Variants in OSBPL9 observed in about 807,000 individuals in gnomAD.
OSBPL9 encodes the protein oxysterol binding protein like 9.
In OSBPL9, 40 loss-of-function variants were observed where a neutral mutation model predicts 106.6. That is an observed-to-expected ratio of 0.38 (90% CI 0.29 to 0.49). OSBPL9 has a LOEUF of 0.49. Ranked by LOEUF, OSBPL9 falls within the 20% of genes least tolerant of loss-of-function variation. OSBPL9 has a pLI of 0.97. For synonymous variants in OSBPL9, 269 were observed against 295.4 expected (o/e 0.91, Z 0.92); for missense variants, 609 against 887.2 (o/e 0.69, Z 3.98).
chr1:51,765,116 A>G (rs1672299760), intron 11 of OSBPL9, among the ~76,000 whole-genome samples: 1 of 152,210 alleles, frequency 6.6e-6, no homozygotes, highest in Admixed American at 6.5e-5. Context: ...AAGGTACCAG[A>G]TGATCATCTC....
chr1:51,737,327 A>T (rs934581825), intron 4 of OSBPL9, among the ~76,000 whole-genome samples: 2 of 152,082 alleles, frequency 1.3e-5, no homozygotes, highest in Admixed American at 6.6e-5. Context: ...AAAATTTTCT[A>T]AAAATGTTCA....
chr1:51,765,553 C>T (rs542802780), intron 11 of OSBPL9: 104 of 216,628 alleles, frequency 4.8e-4, no homozygotes, highest in Admixed American at 2.4e-3. Flanking sequence ...AAAAGGGCCC[C>T]CTTCCTAGTA....
intron 2 of OSBPL9, among the ~76,000 whole-genome samples, chr1:51,666,866 A>G (rs892974489): frequency 6.6e-6 from 1 of 152,246 alleles, no homozygotes; most frequent in African/African-American, 2.4e-5. Flanking sequence ...TGAGTCTCTA[A>G]TAAGAGTCTG....
the OSBPL9 span, among the ~76,000 whole-genome samples, chr1:51,529,177 A>G: frequency 6.6e-6 from 1 of 152,300 alleles, no homozygotes; most frequent in South Asian, 2.1e-4. Flanking sequence ...TGGAATTTCC[A>G]GTAACTCAGA....
chr1:51,613,407 T>C (rs958945040), upstream of OSBPL9, among the ~76,000 whole-genome samples: 2 of 152,232 alleles, frequency 1.3e-5, no homozygotes, highest in African/African-American at 2.4e-5. Flanking sequence ...TTATATGGAC[T>C]CAGATACTCG....
chr1:51,618,024 G>GTGTGT (rs1553150728), intron 1 of OSBPL9, among the ~76,000 whole-genome samples: 4 of 150,416 alleles, frequency 2.7e-5, no homozygotes, highest in African/African-American at 4.9e-5. Context: ...GTGTGTGTGT[G>GTGTGT]GTTTTTTTTT....
intron 2 of OSBPL9, among the ~76,000 whole-genome samples, chr1:51,598,810 A>G (rs553264395): frequency 1.3e-5 from 2 of 152,074 alleles, no homozygotes; most frequent in Non-Finnish European, 2.9e-5. Context: ...CCTGGCCAAC[A>G]TGGCGAAACC....
intron 2 of OSBPL9, among the ~76,000 whole-genome samples, chr1:51,660,490 A>G (rs1239722758): frequency 6.6e-6 from 1 of 152,226 alleles, no homozygotes; most frequent in Non-Finnish European, 1.5e-5. Flanking sequence ...AAATGCATAC[A>G]AATCTGTAAA....
At chr1:51,652,909 C>A (rs902399319) in intron 2 of OSBPL9, among the ~76,000 whole-genome samples, 11 of 152,166 alleles carry the variant, frequency 7.2e-5, no homozygotes, top group African/African-American at 2.7e-4. Context: ...TTCTAGGAAC[C>A]TTTTCTTCAG....
chr1:51,711,470 C>T (rs1388942638), intron 3 of OSBPL9, among the ~76,000 whole-genome samples: 1 of 138,264 alleles, frequency 7.2e-6, no homozygotes, highest in Admixed American at 7.1e-5. Context: ...GGGCTGACCC[C>T]CCCACCTCCC....
chr1:51,612,389 G>C (rs189139998), upstream of OSBPL9, among the ~76,000 whole-genome samples: 1 of 152,278 alleles, frequency 6.6e-6, no homozygotes, highest in Admixed American at 6.5e-5. Flanking sequence ...AGTTTTTGAT[G>C]TTTTACGGTT....
chr1:51,589,561 A>G (rs1353989147), intron 1 of OSBPL9, among the ~76,000 whole-genome samples: 1 of 152,156 alleles, frequency 6.6e-6, no homozygotes, highest in African/African-American at 2.4e-5. Flanking sequence ...CCCTCTAAGA[A>G]GAAAACATTT....
chr1:51,657,831 C>T (rs949527974), intron 2 of OSBPL9, among the ~76,000 whole-genome samples: 11 of 152,158 alleles, frequency 7.2e-5, no homozygotes, highest in Admixed American at 5.2e-4. Flanking sequence ...GGCTTGGTGG[C>T]TCATGCCTGT....
At chr1:51,612,053 C>G (rs1390637558) in intron 2 of OSBPL9, among the ~76,000 whole-genome samples, 5 of 152,114 alleles carry the variant, frequency 3.3e-5, no homozygotes, top group African/African-American at 1.2e-4. Context: ...AGTTAGAAAC[C>G]TTGGTATTAT....
In OSBPL9 at chr1:51,652,053, T is replaced by C. The variant is rs1239779779; in HGVS notation, c.162+12T>C. 20 of 1,583,690 alleles carry C rather than the reference T, an allele frequency of 1.3e-5. No individual in the cohort carries two copies. Among genetic ancestry groups the C allele is most frequent in the Non-Finnish European group, 1.6e-5 (19 of 1,162,142 alleles). ...GTGTTAGACTCAGAGTGAGTATTTA[T>C]TCATTTTTATGAAAATCAATTTTGA... On this transcript the variant is annotated intron_variant, in intron 2 of 23. Coordinates refer to ENST00000428468, the MANE Select transcript of OSBPL9 (RefSeq NM_024586.6).
chr1:51,754,841 C>T (rs1669988095), intron 8 of OSBPL9, among the ~76,000 whole-genome samples: 5 of 152,246 alleles, frequency 3.3e-5, no homozygotes, highest in Admixed American at 2.6e-4. Flanking sequence ...CTTGCTCTGT[C>T]ACTCAGACTG....
intron 8 of OSBPL9, 32 bp downstream of exon 8, chr1:51,750,227 G>A: frequency 1.3e-6 from 2 of 1,530,112 alleles, no homozygotes; most frequent in Non-Finnish European, 1.8e-6. Flanking sequence ...TTACCTTTGT[G>A]TATGGAGTTC....
chr1:51,698,734 T>C (rs1423111739), intron 3 of OSBPL9, among the ~76,000 whole-genome samples: 1 of 152,344 alleles, frequency 6.6e-6, no homozygotes, highest in South Asian at 2.1e-4. Flanking sequence ...ACTGTAGTAC[T>C]CAAAGTTGTT....
rs370056829 is a variant in OSBPL9 at position 51,665,858 on chromosome 1, G to GTA, written c.163-3564_163-3563dup. ...CAGGTGCTCCAGAGAAATGTTTTGTGTATATATATATATTTTTTTAGAGTC... is the reference window on the plus strand; with the variant it reads ...CAGGTGCTCCAGAGAAATGTTTTGTGTATATATATATATATTTTTTTAGAGTC... On this transcript the variant is annotated intron_variant, in intron 2 of 23. Transcript: ENST00000428468. 2.6e-3 allele frequency among the ~76,000 whole-genome samples: 390 copies of GTA among 151,850 alleles called. 2 individuals are homozygous for GTA. The highest frequency in any genetic ancestry group is 8.8e-3 in the African/African-American group (364 of 41,430).
Sources: allele counts gnomAD v4.1 joint callset (sites outside exome capture counted in the v4.1 genomes callset), GRCh38; gene constraint gnomAD v4.1.1; transcripts MANE v1.5; gene names NCBI Gene and HGNC (gene_info 2026-07-23, HGNC 2026-07-21).